Variants in PCDHGB3 observed in about 807,000 individuals in gnomAD.
PCDHGB3 encodes the protein protocadherin gamma subfamily B, 3.
Under a neutral mutation model 59.2 loss-of-function variants are expected in PCDHGB3, and 40 were observed. The observed-to-expected ratio is 0.68, with a 90% CI of 0.52 to 0.88. The LOEUF is 0.88. PCDHGB3 is among the 40% of genes least tolerant of loss of function. PCDHGB3 has a pLI of 0.00. For missense variants in PCDHGB3, 1,309 were observed against 1,187.9 expected (o/e 1.10, Z -1.50); for synonymous variants, 581 against 503.6 (o/e 1.15, Z -2.06).
rs1767132773 is a variant in PCDHGB3 at position 141,370,704 on chromosome 5, C to T, written c.310C>T (p.Leu104=). The part of the protein sequence containing the change: ...EICGKKSTCV[L]EFEMVAEKPL... Reference sequence around the variant, plus strand: ...TTGTGGCAAGAAGTCGACGTGTGTTCTGGAATTTGAAATGGTTGCTGAAAA... The same window carrying T: ...TTGTGGCAAGAAGTCGACGTGTGTTTTGGAATTTGAAATGGTTGCTGAAAA... Residue 104 remains leucine (L), a synonymous_variant, in exon 1 of 4, where the codon CTG becomes TTG. Transcript: ENST00000576222. 6.2e-7 allele frequency: 1 copy of T among 1,613,760 alleles called. No individual in the cohort carries two copies. The highest frequency in any genetic ancestry group is 1.3e-5 in the African/African-American group (1 of 75,030).
At chr5:141,385,412 G>T in intron 1 of PCDHGB3, 1 of 1,472,506 alleles carries the variant, frequency 6.8e-7, no homozygotes, top group Admixed American at 2.7e-5. Context: ...TTGAAAATAG[G>T]GATTTAAAAA....
chr5:141,478,857 C>A, intron 1 of PCDHGB3: 1 of 1,353,600 alleles, frequency 7.4e-7, no homozygotes, highest in Non-Finnish European at 9.8e-7. Context: ...AACACAAGAT[C>A]TCAGCGATCA....
At chr5:141,376,807 C>T in intron 1 of PCDHGB3, 1 of 328,760 alleles carries the variant, frequency 3.0e-6, no homozygotes, top group Admixed American at 4.7e-5. Context: ...CTGCCTCAGC[C>T]TCCCTAGTAG....
chr5:141,510,954 T>G lies in PCDHGB3; in HGVS notation c.2571T>G (p.Ala857=), dbSNP rs774590102. The change falls in exon 4 of 4, where the codon GCT becomes GCG. Residue 857 remains alanine, a synonymous_variant. Coordinates refer to ENST00000576222, the MANE Select transcript of PCDHGB3 (RefSeq NM_018924.5). ...AMILASASEA[A]DGSSTLGGGA... ...CTTCCTCTGTCTCTGCAGAAGCTGC[T>G]GATGGGAGCTCCACCCTGGGAGGGG... is the stretch of plus-strand genomic sequence containing the variant. The G allele has an allele frequency of 3.1e-6, 5 of 1,614,162 alleles. No homozygotes were observed. The Admixed American group carries it at 8.3e-5, about 27-fold the overall frequency.
chr5:141,405,037 G>C (rs756524085), intron 1 of PCDHGB3: 5 of 1,613,856 alleles, frequency 3.1e-6, no homozygotes, highest in Non-Finnish European at 4.2e-6. Flanking sequence ...ACCTCGTTGT[G>C]GCTGTGGCAG....
intron 1 of PCDHGB3, chr5:141,416,047 A>T (rs2095986655): frequency 1.6e-5 from 3 of 187,858 alleles, no homozygotes; most frequent in Non-Finnish European, 3.2e-5. Context: ...TGGAAACACA[A>T]CCCAAATCCA....
intron 1 of PCDHGB3, chr5:141,442,491 T>G (rs1438583747): frequency 6.6e-6 from 1 of 152,236 alleles, no homozygotes; most frequent in Non-Finnish European, 1.5e-5. Flanking sequence ...AGGGGATGAT[T>G]GTGATTATTC....
At chr5:141,413,824 A>G (rs1265406182) in intron 1 of PCDHGB3, 1 of 1,613,114 alleles carries the variant, frequency 6.2e-7, no homozygotes, top group Middle Eastern at 1.6e-4. Context: ...CCTGGTCCTC[A>G]CCGCCTCCGA....
chr5:141,375,164 C>A (rs374150026), intron 1 of PCDHGB3: 3 of 1,613,840 alleles, frequency 1.9e-6, no homozygotes, highest in African/African-American at 1.3e-5. Flanking sequence ...TGAAAGTGCA[C>A]CTCCAGGAAC....
intron 1 of PCDHGB3, chr5:141,394,255 G>A (rs1321065161): frequency 6.2e-7 from 1 of 1,613,934 alleles, no homozygotes; most frequent in South Asian, 1.1e-5. Flanking sequence ...GACCCCGACA[G>A]CCAGGAGAAT....
At chr5:141,419,405 G>T (rs1219399978) in intron 1 of PCDHGB3, 1 of 1,613,512 alleles carries the variant, frequency 6.2e-7, no homozygotes, top group South Asian at 1.1e-5. Context: ...GGTGGTGTTC[G>T]CGCAGCGCGC....
intron 1 of PCDHGB3, chr5:141,398,503 A>G (rs2093664041): frequency 1.9e-6 from 3 of 1,601,316 alleles, no homozygotes; most frequent in Non-Finnish European, 1.7e-6. Flanking sequence ...GATCGAGGAC[A>G]TTAATGACCA....
chr5:141,417,627 G>C, intron 1 of PCDHGB3: 1 of 694,264 alleles, frequency 1.4e-6, no homozygotes, highest in Non-Finnish European at 2.3e-6. Flanking sequence ...AGCAAGCGCT[G>C]ACGCCGGGGA....
chr5:141,418,869 T>A (rs1261615662), intron 1 of PCDHGB3: 1 of 1,613,830 alleles, frequency 6.2e-7, no homozygotes, highest in Non-Finnish European at 8.5e-7. Flanking sequence ...ATTGTAGAAG[T>A]TGTAGACGAA....
In PCDHGB3 at chr5:141,486,143, G is replaced by T; in HGVS notation, c.2416-8664G>T. On this transcript the variant is annotated intron_variant, in intron 1 of 3. Coordinates refer to ENST00000576222, the MANE Select transcript of PCDHGB3 (RefSeq NM_018924.5). This position sits in a 1 kb window ranked among gnomAD's most constrained non-coding sequence, Gnocchi z 5.0. ...CTATGAATTTGATGTGCGGGCTCGC[G>T]ATGGGGGTTCTCCAGCCATGGAGCA... 6.2e-7 allele frequency: 1 copy of T among 1,614,198 alleles called. No homozygotes were observed. Among genetic ancestry groups the T allele is most frequent in the Non-Finnish European group, 8.5e-7 (1 of 1,180,030 alleles).
chr5:141,413,134 G>A, intron 1 of PCDHGB3: 1 of 1,543,438 alleles, frequency 6.5e-7, no homozygotes, highest in South Asian at 1.3e-5. Flanking sequence ...AACACACAAC[G>A]TGTCCAGTGA....
At chr5:141,403,131 C>A (rs1377543238) in intron 1 of PCDHGB3, 2 of 1,613,916 alleles carry the variant, frequency 1.2e-6, no homozygotes, top group East Asian at 4.5e-5. Context: ...CGGGAGCTGG[C>A]GGAGCGCCGA....
chr5:141,404,475 A>G, intron 1 of PCDHGB3: 1 of 1,613,732 alleles, frequency 6.2e-7, no homozygotes, highest in Non-Finnish European at 8.5e-7. Flanking sequence ...GTCTCTATTA[A>G]CTCAGACACT....
chr5:141,389,270 C>A, intron 1 of PCDHGB3: 1 of 1,614,004 alleles, frequency 6.2e-7, no homozygotes, highest in Non-Finnish European at 8.5e-7. Flanking sequence ...TGGCCGAGAA[C>A]AACCCGCCTG....
Sources: gnomAD v4.1 joint callset for allele counts on GRCh38, gnomAD v4.1.1 for gene constraint, Gnocchi (gnomAD v3.1) non-coding constraint, MANE v1.5 for transcripts, NCBI Gene and HGNC (gene_info 2026-07-23, HGNC 2026-07-21) for gene names.